PPP1R12A: variants seen among roughly 807,000 people sequenced by gnomAD.
The protein encoded by PPP1R12A is myosin binding subunit.
Under a neutral mutation model 139.6 loss-of-function variants are expected in PPP1R12A, and 19 were observed. The ratio of observed to expected loss-of-function variants is 0.14; its 90% CI spans 0.09 to 0.20. PPP1R12A has a LOEUF of 0.20. Ranked by LOEUF, PPP1R12A falls within the 10% of genes least tolerant of loss-of-function variation. PPP1R12A has a pLI of 1.00. For missense variants in PPP1R12A, 925 were observed against 1,211.5 expected (o/e 0.76, Z 3.51); for synonymous variants, 427 against 420.6 (o/e 1.02, Z -0.19).
chr12:79,903,377 G>A (rs539721118), intron 1 of PPP1R12A, among the ~76,000 whole-genome samples: 2 of 151,862 alleles, frequency 1.3e-5, no homozygotes, highest in East Asian at 1.9e-4. Context: ...CTTGAACCCG[G>A]GAAGTAGATG....
At chr12:79,883,145 C>CAAACA (rs1274257643) in intron 1 of PPP1R12A, among the ~76,000 whole-genome samples, 1 of 152,012 alleles carries the variant, frequency 6.6e-6, no homozygotes, top group Non-Finnish European at 1.5e-5. Flanking sequence ...AAAACAAAAA[C>CAAACA]AAACAAAACA....
At chr12:79,893,082 C>A (rs528586402) in intron 1 of PPP1R12A, among the ~76,000 whole-genome samples, 4 of 145,764 alleles carry the variant, frequency 2.7e-5, no homozygotes, top group Non-Finnish European at 6.0e-5. Context: ...CCAGCCTGGG[C>A]GACAAAAGCA....
chr12:79,812,391 C>CGTGTGCGT (rs1874685309), intron 9 of PPP1R12A, among the ~76,000 whole-genome samples: 1 of 134,510 alleles, frequency 7.4e-6, no homozygotes, highest in Admixed American at 7.6e-5. Flanking sequence ...TCTGTGTGTG[C>CGTGTGCGT]GTGTGTGTGT....
intron 2 of PPP1R12A, among the ~76,000 whole-genome samples, chr12:79,872,405 C>T (rs1201604467): frequency 1.3e-5 from 2 of 152,018 alleles, no homozygotes; most frequent in African/African-American, 4.8e-5. Context: ...ACTAAGTAAA[C>T]AGGCTCACTG....
At chr12:79,809,324 TACC>T (rs1874241734) in intron 10 of PPP1R12A, among the ~76,000 whole-genome samples, 1 of 152,254 alleles carries the variant, frequency 6.6e-6, no homozygotes, top group African/African-American at 2.4e-5. Context: ...GCAGTATTAA[TACC>T]ACCTCTCAAA....
intron 1 of PPP1R12A, among the ~76,000 whole-genome samples, chr12:79,895,611 GAACAGACTGTATACATA>G (rs1277456341): frequency 6.6e-6 from 1 of 152,082 alleles, no homozygotes; most frequent in African/African-American, 2.4e-5. Context: ...CATCTTAAGA[GAACAGACTGTATACATA>G]AGACATAAAG....
Position 79,924,704 on chromosome 12 carries a change from C to T in PPP1R12A, c.237+9991G>A, listed in dbSNP as rs142771402. Among the ~76,000 whole-genome samples the T allele has an allele frequency of 1.3e-4, 20 of 152,206 alleles. 1 individual carries two copies. Among genetic ancestry groups the T allele is most frequent in the Non-Finnish European group, 2.6e-4 (18 of 68,032 alleles). ...TCGGCCTCCCAAAGTGCTGGGATTA[C>T]AGGCATGAGCTACTGTGCCAGGCAG... On this transcript the variant is annotated intron_variant, in intron 1 of 24. Transcript: ENST00000450142.
At chr12:79,863,116 C>T (rs1881535027) in intron 2 of PPP1R12A, among the ~76,000 whole-genome samples, 1 of 152,198 alleles carries the variant, frequency 6.6e-6, no homozygotes, top group South Asian at 2.1e-4. Flanking sequence ...AACAGCAGAT[C>T]TCTTGGCAGA....
chr12:79,914,105 T>C (rs558769415), intron 1 of PPP1R12A, among the ~76,000 whole-genome samples: 1 of 152,292 alleles, frequency 6.6e-6, no homozygotes, highest in East Asian at 1.9e-4. Context: ...GGGTTATTAT[T>C]TTAAAATAAA....
intron 1 of PPP1R12A, among the ~76,000 whole-genome samples, chr12:79,893,698 T>C (rs113651900): frequency 6.7e-4 from 102 of 152,328 alleles, no homozygotes; most frequent in African/African-American, 2.4e-3. Context: ...CCAATTTTCT[T>C]TTGTTAAACA....
intron 5 of PPP1R12A, among the ~76,000 whole-genome samples, chr12:79,823,022 G>A (rs950498057): frequency 6.6e-6 from 1 of 151,950 alleles, no homozygotes; most frequent in Non-Finnish European, 1.5e-5. Context: ...ATATATATAT[G>A]TTTAAGCTGT....
chr12:79,897,208 TA>T (rs1363557326), intron 1 of PPP1R12A, among the ~76,000 whole-genome samples: 1 of 152,072 alleles, frequency 6.6e-6, no homozygotes, highest in Non-Finnish European at 1.5e-5. Context: ...TAGAGAGCCA[TA>T]AAAAAATAAC....
intron 9 of PPP1R12A, among the ~76,000 whole-genome samples, chr12:79,813,805 T>C (rs2095930932): frequency 1.3e-5 from 2 of 152,200 alleles, no homozygotes; most frequent in South Asian, 2.1e-4. Flanking sequence ...TCTTTCACCA[T>C]AGTTACCCCA....
intron 1 of PPP1R12A, among the ~76,000 whole-genome samples, chr12:79,920,924 A>G (rs1887384821): frequency 1.3e-5 from 2 of 152,210 alleles, no homozygotes; most frequent in South Asian, 4.1e-4. Context: ...AACAGGACTA[A>G]TACAACATCC....
At chr12:79,813,642 G>C (rs2137083701) in intron 9 of PPP1R12A, among the ~76,000 whole-genome samples, 1 of 152,182 alleles carries the variant, frequency 6.6e-6, no homozygotes, top group South Asian at 2.1e-4. Context: ...GACCAGAGAG[G>C]CTTATATAAA....
At chr12:79,899,507 GCTTC>G (rs1885442075) in intron 1 of PPP1R12A, among the ~76,000 whole-genome samples, 1 of 152,036 alleles carries the variant, frequency 6.6e-6, no homozygotes, top group East Asian at 1.9e-4. Flanking sequence ...TTTGTGAAAG[GCTTC>G]TTTTAGCAAA....
intron 9 of PPP1R12A, among the ~76,000 whole-genome samples, chr12:79,813,298 G>A (rs1874842272): frequency 6.6e-6 from 1 of 152,002 alleles, no homozygotes; most frequent in South Asian, 2.1e-4. Flanking sequence ...AGGTTTACAA[G>A]CCCTTCTTCT....
rs919727562 is a variant in PPP1R12A at position 79,800,895 on chromosome 12, G to A, written c.2001-2311C>T. 2.6e-5 allele frequency among the ~76,000 whole-genome samples: 4 copies of A among 151,602 alleles called. No homozygotes were observed. In the East Asian group the frequency reaches 7.9e-4, roughly 30 times the overall value. On this transcript the variant is annotated intron_variant, in intron 14 of 24. Coordinates refer to ENST00000450142, the MANE Select transcript of PPP1R12A (RefSeq NM_002480.3). Reference sequence around the variant, plus strand: ...ACTACAGGCGTCTGCCACCACGCCTGGCTAATTTTTTGTATTTTTAGTAGA... The same window carrying A: ...ACTACAGGCGTCTGCCACCACGCCTAGCTAATTTTTTGTATTTTTAGTAGA...
At chr12:79,925,203 A>G (rs1180543389) in intron 1 of PPP1R12A, among the ~76,000 whole-genome samples, 1 of 152,196 alleles carries the variant, frequency 6.6e-6, no homozygotes, top group East Asian at 1.9e-4. Context: ...TTGAAGGCTA[A>G]TAAAATATAT....
Sources: gnomAD v4.1 joint callset for allele counts (sites outside exome capture counted in the v4.1 genomes callset) on GRCh38, gnomAD v4.1.1 for gene constraint, MANE v1.5 for transcripts, NCBI Gene and HGNC (gene_info 2026-07-23, HGNC 2026-07-21) for gene names.